The following ATP10B variants were observed in gnomAD, a reference collection of about 807,000 sequenced individuals.
ATP10B encodes ATPase phospholipid transporting 10B (putative), also known as phospholipid-transporting ATPase VB.
Under a neutral mutation model 141.2 loss-of-function variants are expected in ATP10B, and 122 were observed. That is an observed-to-expected ratio of 0.86 (90% CI 0.75 to 1.00). ATP10B has a LOEUF of 1.00. Among genes scored for constraint, ATP10B ranks in the 50% least tolerant of loss-of-function variants. The pLI is 0.00. For synonymous variants in ATP10B, 685 were observed against 692.0 expected (o/e 0.99, Z 0.16); for missense variants, 1,876 against 1,825.3 (o/e 1.03, Z -0.51).
chr5:160,857,726 T>C, the ATP10B span, among the ~76,000 whole-genome samples: 4 of 151,864 alleles, frequency 2.6e-5, no homozygotes, highest in South Asian at 6.2e-4. Flanking sequence ...TTTGTTCAGT[T>C]CAATGTATTT....
At chr5:160,847,625 G>A (rs180728480) in intron 1 of ATP10B, among the ~76,000 whole-genome samples, 6 of 152,230 alleles carry the variant, frequency 3.9e-5, no homozygotes, top group African/African-American at 9.6e-5. Context: ...ATAAGTAGTC[G>A]AGAAATTCCT....
chr5:160,817,837 T>C (rs1265100124), intron 1 of ATP10B, among the ~76,000 whole-genome samples: 4 of 152,058 alleles, frequency 2.6e-5, no homozygotes, highest in African/African-American at 9.7e-5. Context: ...CCCTCAGAAA[T>C]AATGCCGCAT....
intron 7 of ATP10B, among the ~76,000 whole-genome samples, chr5:160,655,967 C>G (rs536394439): frequency 2.0e-5 from 3 of 152,176 alleles, no homozygotes; most frequent in African/African-American, 4.8e-5. Flanking sequence ...GGCGTAATCA[C>G]TCCCCGGGGT....
intron 18 of ATP10B, among the ~76,000 whole-genome samples, chr5:160,611,279 T>C (rs912436627): frequency 8.5e-5 from 13 of 152,114 alleles, no homozygotes; most frequent in African/African-American, 2.9e-4. Flanking sequence ...CAGGAGTGCA[T>C]GGCATTTAGC....
At chr5:160,760,347 C>A (rs183272578) in intron 2 of ATP10B, among the ~76,000 whole-genome samples, 2 of 152,138 alleles carry the variant, frequency 1.3e-5, no homozygotes, top group East Asian at 3.9e-4. Context: ...TCCTTAAGAC[C>A]TTGCTTCCTG....
chr5:160,692,025 G>A (rs1192109303), intron 3 of ATP10B, among the ~76,000 whole-genome samples: 2 of 152,178 alleles, frequency 1.3e-5, no homozygotes, highest in East Asian at 3.9e-4. Context: ...GAGAAATCTT[G>A]CCTTGGTTAA....
At chr5:160,855,459 A>G (rs1753971684), upstream of ATP10B, among the ~76,000 whole-genome samples, 1 of 150,442 alleles carries the variant, frequency 6.6e-6, no homozygotes, top group Non-Finnish European at 1.5e-5. Context: ...TCTTTTGCTT[A>G]TGTTTTAATT....
chr5:160,765,460 G>A (rs977003062), intron 2 of ATP10B, among the ~76,000 whole-genome samples: 32 of 152,034 alleles, frequency 2.1e-4, no homozygotes, highest in African/African-American at 7.7e-4. Flanking sequence ...ACATAAAATG[G>A]GGGAAACGAC....
chr5:160,571,492 CTTTAA>C (rs1300394122), intron 24 of ATP10B, among the ~76,000 whole-genome samples: 2 of 151,926 alleles, frequency 1.3e-5, no homozygotes, highest in African/African-American at 4.8e-5. Flanking sequence ...ATAGATTTTC[CTTTAA>C]TTTATATTTG....
intron 1 of ATP10B, among the ~76,000 whole-genome samples, chr5:160,786,757 T>G (rs974586855): frequency 6.6e-6 from 1 of 152,158 alleles, no homozygotes; most frequent in African/African-American, 2.4e-5. Context: ...CACATGCATA[T>G]GCACACACAC....
At chr5:160,826,668 A>T (rs1158978368) in intron 1 of ATP10B, among the ~76,000 whole-genome samples, 7 of 152,168 alleles carry the variant, frequency 4.6e-5, no homozygotes, top group Non-Finnish European at 1.0e-4. Context: ...AGAGCCTATA[A>T]ATGGACATGC....
the ATP10B span, among the ~76,000 whole-genome samples, chr5:160,868,190 G>A: frequency 1.3e-4 from 20 of 152,078 alleles, no homozygotes; most frequent in Non-Finnish European, 2.8e-4. Context: ...TATATGATGT[G>A]GCGTAGCAGC....
At chr5:160,900,192 G>A in the ATP10B span, among the ~76,000 whole-genome samples, 2 of 152,004 alleles carry the variant, frequency 1.3e-5, no homozygotes, top group Non-Finnish European at 2.9e-5. Flanking sequence ...AGTTCTCCAG[G>A]TTATGGACAA....
chr5:160,836,731 A>G (rs1333496654), intron 1 of ATP10B, among the ~76,000 whole-genome samples: 1 of 152,054 alleles, frequency 6.6e-6, no homozygotes, highest in African/African-American at 2.4e-5. Context: ...CTCTGACTCA[A>G]TCATTCTTTT....
At chr5:160,641,346 A>C (rs972194975) in intron 9 of ATP10B, among the ~76,000 whole-genome samples, 5 of 152,192 alleles carry the variant, frequency 3.3e-5, no homozygotes, top group African/African-American at 1.2e-4. Context: ...GTGTTGCCTG[A>C]GCAAGAGTAG....
chr5:160,612,702 G>A (rs1347098533), intron 18 of ATP10B, 39 bp downstream of exon 18: 8 of 1,540,414 alleles, frequency 5.2e-6, no homozygotes, highest in Non-Finnish European at 6.2e-6. Context: ...TGCTCTACAC[G>A]TTGATATCTG....
chr5:160,648,931 T>G (rs1271848078), intron 8 of ATP10B, among the ~76,000 whole-genome samples: 28 of 150,806 alleles, frequency 1.9e-4, no homozygotes, highest in African/African-American at 6.5e-4. Context: ...CTAAGGTTTT[T>G]TTTTTTTTTT....
At chr5:160,808,676 T>C (rs942614851) in intron 1 of ATP10B, among the ~76,000 whole-genome samples, 1 of 152,202 alleles carries the variant, frequency 6.6e-6, no homozygotes, top group Non-Finnish European at 1.5e-5. Context: ...TCAACCCAAA[T>C]TAGCCATTTA....
chr5:160,587,941 T>C (rs1756021200), intron 24 of ATP10B, among the ~76,000 whole-genome samples: 1 of 152,152 alleles, frequency 6.6e-6, no homozygotes, highest in African/African-American at 2.4e-5. Flanking sequence ...CAGGTCTCAG[T>C]TTAAGCAATT....
Sources: allele counts gnomAD v4.1 joint callset (sites outside exome capture counted in the v4.1 genomes callset), GRCh38; gene constraint gnomAD v4.1.1; transcripts MANE v1.5; gene names NCBI Gene and HGNC (gene_info 2026-07-23, HGNC 2026-07-21).